The following PTK2 variants were observed in gnomAD, a reference collection of about 807,000 sequenced individuals.
The protein encoded by PTK2 is protein tyrosine kinase 2.
PTK2 carries 45 observed loss-of-function variants against 150.1 expected under a neutral mutation model. The ratio of observed to expected loss-of-function variants is 0.30; its 90% CI spans 0.24 to 0.38. PTK2 has a LOEUF of 0.38. Ranked by LOEUF, PTK2 falls within the 10% of genes least tolerant of loss-of-function variation. The probability of loss-of-function intolerance (pLI) is 1.00; values close to 1 mark genes in which losing one functional copy is unlikely to be tolerated. For synonymous variants in PTK2, 432 were observed against 449.2 expected (o/e 0.96, Z 0.48); for missense variants, 919 against 1,307.3 (o/e 0.70, Z 4.58).
chr8:140,708,279 C>T (rs1182643758), intron 23 of PTK2, among the ~76,000 whole-genome samples: 1 of 152,162 alleles, frequency 6.6e-6, no homozygotes, highest in Non-Finnish European at 1.5e-5. Flanking sequence ...ATGTTTTGGT[C>T]TCTAAAATCT....
intron 1 of PTK2, among the ~76,000 whole-genome samples, chr8:140,972,187 T>TAA (rs35134075): frequency 1.8e-4 from 27 of 151,342 alleles, no homozygotes; most frequent in Non-Finnish European, 1.5e-4. Flanking sequence ...CCTCCTCCCC[T>TAA]AAAAAAAAAT....
intron 22 of PTK2, among the ~76,000 whole-genome samples, chr8:140,731,179 C>T (rs924831050): frequency 1.3e-5 from 2 of 151,974 alleles, no homozygotes; most frequent in African/African-American, 2.4e-5. Flanking sequence ...AGGTTTGTCT[C>T]GAGCTCCTGA....
intron 22 of PTK2, among the ~76,000 whole-genome samples, chr8:140,725,855 A>C (rs2100045435): frequency 1.3e-5 from 2 of 151,988 alleles, no homozygotes; most frequent in South Asian, 2.1e-4. Context: ...AAAAAAAAAA[A>C]AAACCCATAA....
chr8:140,706,191 A>C (rs2100033669), exon 24 of PTK2: 6 of 1,613,046 alleles, frequency 3.7e-6, no homozygotes, highest in Non-Finnish European at 4.2e-6. Flanking sequence ...GACTGGGATA[A>C]CCCGGTCTGC....
intron 1 of PTK2, among the ~76,000 whole-genome samples, chr8:140,977,609 A>T (rs2100189756): frequency 7.7e-6 from 1 of 129,828 alleles, no homozygotes; most frequent in African/African-American, 2.6e-5. Flanking sequence ...GCGACAGAGC[A>T]AGACTGTCCA....
intron 1 of PTK2, among the ~76,000 whole-genome samples, chr8:140,988,026 C>G (rs1056350403): frequency 3.0e-5 from 4 of 133,960 alleles, no homozygotes; most frequent in Non-Finnish European, 4.7e-5. Context: ...GCCTGGACAA[C>G]AGAGTGAGAC....
At chr8:140,779,245 G>GA (rs140826832) in intron 14 of PTK2, among the ~76,000 whole-genome samples, 1,934 of 111,906 alleles carry the variant, frequency 0.017, 16 homozygotes, top group Middle Eastern at 0.021. Flanking sequence ...CTGGGCGATG[G>GA]AAAAAAAAAA....
chr8:140,927,958 G>T (rs201508058), intron 1 of PTK2, among the ~76,000 whole-genome samples: 2 of 63,666 alleles, frequency 3.1e-5, no homozygotes, highest in African/African-American at 1.3e-4. Flanking sequence ...AAAAAAAAAA[G>T]AAAAAAAAAA....
chr8:140,736,246 T>G (rs2100052529), intron 21 of PTK2, among the ~76,000 whole-genome samples: 1 of 152,202 alleles, frequency 6.6e-6, no homozygotes, highest in South Asian at 2.1e-4. Context: ...TGAAAGCCAT[T>G]TATCCAAAGT....
intron 1 of PTK2, among the ~76,000 whole-genome samples, chr8:140,968,862 C>G (rs183913658): frequency 2.6e-5 from 4 of 152,160 alleles, no homozygotes; most frequent in African/African-American, 9.7e-5. Context: ...AAGCCAAATT[C>G]AAGAAATAAT....
At chr8:140,883,483 T>G (rs2100150452) in intron 3 of PTK2, among the ~76,000 whole-genome samples, 1 of 152,230 alleles carries the variant, frequency 6.6e-6, no homozygotes, top group African/African-American at 2.4e-5. Context: ...TCCTTACTGC[T>G]TCCTAAGAAT....
Position 140,679,100 on chromosome 8 carries a change from C to T in PTK2, c.2563-3601G>A, listed in dbSNP as rs567154332. ...AGTGCAGTGGTGTGATCTTGGCTCA[C>T]TGCAACCTCTGCCTCCCAGGTTCAA... is the stretch of plus-strand genomic sequence containing the variant. On this transcript the variant is annotated intron_variant, in intron 27 of 31. Transcript: ENST00000522684. Among the ~76,000 whole-genome samples the T allele has an allele frequency of 4.3e-5, 6 of 140,596 alleles. No individual in the cohort carries two copies. The South Asian group carries it at 1.4e-3, about 34-fold the overall frequency. 92.2% of individuals were successfully genotyped at this position (140,596 alleles called of 152,430 possible).
intron 14 of PTK2, among the ~76,000 whole-genome samples, chr8:140,783,281 G>T (rs2100082936): frequency 6.6e-6 from 1 of 152,098 alleles, no homozygotes; most frequent in Non-Finnish European, 1.5e-5. Context: ...CTAATGTAAA[G>T]AGAACAAACC....
intron 1 of PTK2, among the ~76,000 whole-genome samples, chr8:140,970,813 A>G (rs1329633578): frequency 6.6e-6 from 1 of 152,066 alleles, no homozygotes; most frequent in Non-Finnish European, 1.5e-5. Flanking sequence ...ATGGCTCTCC[A>G]TCTTATGTGG....
chr8:140,935,872 G>A lies in PTK2; in HGVS notation c.-121-10123C>T, dbSNP rs536806799. ...TTTTTAGGAGACACAGGGTTTCACCGTGTTGACCTTGTGATCCACCCGCCT... is the reference window on the plus strand; with the variant it reads ...TTTTTAGGAGACACAGGGTTTCACCATGTTGACCTTGTGATCCACCCGCCT... On this transcript the variant is annotated intron_variant, in intron 1 of 31. Transcript: ENST00000522684. 2.0e-4 allele frequency among the ~76,000 whole-genome samples: 30 copies of A among 151,722 alleles called. No homozygotes were observed. In the South Asian group the frequency reaches 2.3e-3, roughly 12 times the overall value.
intron 5 of PTK2, among the ~76,000 whole-genome samples, chr8:140,860,779 T>C (rs1168110469): frequency 3.3e-5 from 5 of 151,770 alleles, no homozygotes; most frequent in South Asian, 2.1e-4. Context: ...CAGACAATCA[T>C]AGTATTTTCT....
intron 14 of PTK2, among the ~76,000 whole-genome samples, chr8:140,777,173 C>T (rs996301004): frequency 1.3e-5 from 2 of 152,104 alleles, no homozygotes; most frequent in African/African-American, 4.8e-5. Context: ...CAAGAAATAC[C>T]GGAGACTGGG....
At position 140,695,568 on chromosome 8, in the gene PTK2, G is replaced by A. The variant is rs543255459; in HGVS notation, c.2499+5323C>T. The stretch of plus-strand genomic sequence containing the variant: ...TGGGATTACAGGAGAGTGCCACCAC[G>A]CCTGGCTAATTTTTGTATTTTTAGT... On this transcript the variant is annotated intron_variant, in intron 26 of 31. Coordinates refer to ENST00000522684, the Ensembl canonical transcript of PTK2. 1.1e-4 allele frequency among the ~76,000 whole-genome samples: 17 copies of A among 152,092 alleles called. No homozygotes were observed. The South Asian group carries it at 1.5e-3, about 13-fold the overall frequency.
At chr8:140,896,889 T>C (rs1393778616) in intron 2 of PTK2, among the ~76,000 whole-genome samples, 1 of 151,668 alleles carries the variant, frequency 6.6e-6, no homozygotes, top group Non-Finnish European at 1.5e-5. Context: ...GCATAGATTA[T>C]GAAGAAAATC....
Sources: allele counts gnomAD v4.1 joint callset (sites outside exome capture counted in the v4.1 genomes callset), GRCh38; gene constraint gnomAD v4.1.1; transcripts MANE v1.5; gene names NCBI Gene and HGNC (gene_info 2026-07-23, HGNC 2026-07-21).